ERBB4: variants seen among roughly 807,000 people sequenced by gnomAD.
ERBB4 encodes the protein erb-b2 receptor tyrosine kinase 4.
In ERBB4, 42 loss-of-function variants were observed where a neutral mutation model predicts 158.0. The observed-to-expected ratio is 0.27, with a 90% CI of 0.21 to 0.34. The LOEUF is 0.34. Among genes scored for constraint, ERBB4 ranks in the 10% least tolerant of loss-of-function variants. The pLI is 1.00. For missense variants in ERBB4, 1,333 were observed against 1,624.1 expected, an observed-to-expected ratio of 0.82 and a Z score of 3.08; for synonymous variants, 583 against 558.7, an observed-to-expected ratio of 1.04 and a Z score of -0.61.
intron 2 of ERBB4, among the ~76,000 whole-genome samples, chr2:212,057,771 A>G (rs907391418): frequency 6.6e-6 from 1 of 152,204 alleles, no homozygotes; most frequent in Non-Finnish European, 1.5e-5. Context: ...TCTGGGACAC[A>G]TTCAAAGCAG....
intron 1 of ERBB4, among the ~76,000 whole-genome samples, chr2:212,171,837 T>C (rs1015531783): frequency 5.9e-5 from 9 of 152,158 alleles, no homozygotes; most frequent in Admixed American, 1.3e-4. Flanking sequence ...GTCTCAGATA[T>C]GTCTTTATAG....
chr2:211,463,436 G>A (rs1233374708), intron 20 of ERBB4, among the ~76,000 whole-genome samples: 2 of 152,140 alleles, frequency 1.3e-5, no homozygotes, highest in East Asian at 1.9e-4. Context: ...CTAGATCAGC[G>A]TTGGTTTGCA....
At chr2:211,564,908 A>AT (rs1283211407) in intron 19 of ERBB4, among the ~76,000 whole-genome samples, 1 of 152,202 alleles carries the variant, frequency 6.6e-6, no homozygotes, top group Non-Finnish European at 1.5e-5. Flanking sequence ...GAAAGTATTT[A>AT]TTTTTCTAGT....
chr2:211,899,433 A>G (rs988282320), intron 3 of ERBB4, among the ~76,000 whole-genome samples: 1 of 152,146 alleles, frequency 6.6e-6, no homozygotes, highest in Non-Finnish European at 1.5e-5. Context: ...TTTATATGAC[A>G]TTATATTTTT....
intron 1 of ERBB4, among the ~76,000 whole-genome samples, chr2:212,196,148 C>A (rs1252589940): frequency 6.6e-6 from 1 of 152,058 alleles, no homozygotes; most frequent in Non-Finnish European, 1.5e-5. Context: ...ATTACTAATA[C>A]TCTACTGCTG....
chr2:212,055,077 C>A (rs562519760), intron 2 of ERBB4, among the ~76,000 whole-genome samples: 2 of 152,108 alleles, frequency 1.3e-5, no homozygotes. Context: ...CGGATGGCAC[C>A]TGGAAAATCG....
chr2:211,428,143 A>G (rs1046707552), intron 22 of ERBB4, among the ~76,000 whole-genome samples: 1 of 152,048 alleles, frequency 6.6e-6, no homozygotes, highest in Non-Finnish European at 1.5e-5. Context: ...TGATAGGTAC[A>G]GCAAACCACC....
intron 1 of ERBB4, among the ~76,000 whole-genome samples, chr2:212,200,074 G>C (rs531927620): frequency 1.3e-5 from 2 of 152,130 alleles, no homozygotes; most frequent in Non-Finnish European, 2.9e-5. Flanking sequence ...TTCTGTTAAA[G>C]GTCATGGCAG....
At chr2:211,804,374 G>C (rs184742772) in intron 3 of ERBB4, among the ~76,000 whole-genome samples, 1 of 152,178 alleles carries the variant, frequency 6.6e-6, no homozygotes, top group East Asian at 1.9e-4. Flanking sequence ...GGGAGTAGAC[G>C]TGGCATAGGA....
chr2:211,714,739 T>C (rs1429251114), intron 7 of ERBB4, among the ~76,000 whole-genome samples: 1 of 152,318 alleles, frequency 6.6e-6, no homozygotes, highest in Non-Finnish European at 1.5e-5. Context: ...GAATTGCCTA[T>C]CATGAACAGG....
intron 2 of ERBB4, among the ~76,000 whole-genome samples, chr2:212,034,330 T>C (rs1397097968): frequency 6.6e-6 from 1 of 151,942 alleles, no homozygotes; most frequent in African/African-American, 2.4e-5. Flanking sequence ...ATGGACAAAA[T>C]ATATAAAAAG....
chr2:212,295,260 T>C (rs552996980), intron 1 of ERBB4, among the ~76,000 whole-genome samples: 94 of 152,054 alleles, frequency 6.2e-4, no homozygotes, highest in African/African-American at 2.2e-3. Context: ...TAATAAAAAA[T>C]TACTCAAAGC....
chr2:211,571,039 TTC>T (rs1226989650), intron 19 of ERBB4, among the ~76,000 whole-genome samples: 1,022 of 59,442 alleles, frequency 0.017, 21 homozygotes, highest in South Asian at 0.088. Flanking sequence ...AGTACTCTTC[TTC>T]TTTTTTTTTT....
chr2:211,929,722 G>A (rs962554639), intron 3 of ERBB4, among the ~76,000 whole-genome samples: 1 of 152,162 alleles, frequency 6.6e-6, no homozygotes, highest in African/African-American at 2.4e-5. Flanking sequence ...AACAATTTGA[G>A]TGTGTTTCTC....
At chr2:211,865,829 G>GAC (rs1004427052) in intron 3 of ERBB4, among the ~76,000 whole-genome samples, 94 of 152,156 alleles carry the variant, frequency 6.2e-4, no homozygotes, top group African/African-American at 2.2e-3. Context: ...TTATGAAATA[G>GAC]ACACATTATT....
At chr2:212,437,248 G>A (rs2092157771) in intron 1 of ERBB4, among the ~76,000 whole-genome samples, 1 of 151,974 alleles carries the variant, frequency 6.6e-6, no homozygotes, top group Non-Finnish European at 1.5e-5. Flanking sequence ...AAACAAAGCA[G>A]TCTGCTAGAA....
chr2:212,294,740 T>C (rs955723312), intron 1 of ERBB4, among the ~76,000 whole-genome samples: 2 of 152,090 alleles, frequency 1.3e-5, no homozygotes, highest in African/African-American at 2.4e-5. Flanking sequence ...GATTAAAATA[T>C]GATAATTAAA....
At chr2:212,131,765 T>C (rs2080113897) in intron 1 of ERBB4, among the ~76,000 whole-genome samples, 1 of 152,170 alleles carries the variant, frequency 6.6e-6, no homozygotes, top group African/African-American at 2.4e-5. Flanking sequence ...AATGGAAAAC[T>C]ACAACCACCC....
At chr2:211,652,909 G>T (rs926176011) in intron 16 of ERBB4, among the ~76,000 whole-genome samples, 1 of 152,042 alleles carries the variant, frequency 6.6e-6, no homozygotes, top group South Asian at 2.1e-4. Flanking sequence ...TTGACTTATT[G>T]AGATTAACAA....
Sources: gnomAD v4.1 joint callset for allele counts (sites outside exome capture counted in the v4.1 genomes callset) on GRCh38, gnomAD v4.1.1 for gene constraint, MANE v1.5 for transcripts, NCBI Gene and HGNC (gene_info 2026-07-23, HGNC 2026-07-21) for gene names.